The following CLIP2 variants were observed in gnomAD, a reference collection of about 807,000 sequenced individuals.
CLIP2 encodes the protein CAP-Gly domain containing linker protein 2, also known as CAP-Gly domain-containing linker protein 2.
A neutral mutation model predicts 111.7 loss-of-function variants in CLIP2; 41 were observed. The observed-to-expected ratio is 0.37, with a 90% CI of 0.29 to 0.48. The LOEUF (loss-of-function observed/expected upper bound fraction) is 0.48, where lower values mean the gene tolerates loss of function less well. CLIP2 is among the 20% of genes least tolerant of loss of function. The pLI is 0.99. For missense variants in CLIP2, 1,160 were observed against 1,422.1 expected (o/e 0.82, Z 2.96); for synonymous variants, 660 against 644.2 (o/e 1.02, Z -0.37).
At chr7:74,402,484 T>C (rs1283722629) in intron 16 of CLIP2, among the ~76,000 whole-genome samples, 3 of 151,978 alleles carry the variant, frequency 2.0e-5, no homozygotes, top group African/African-American at 7.2e-5. Context: ...ACCATTGCAC[T>C]CCAGCCTGGG....
At chr7:74,355,481 A>AC (rs1790118490) in intron 4 of CLIP2, among the ~76,000 whole-genome samples, 2 of 152,260 alleles carry the variant, frequency 1.3e-5, no homozygotes, top group Non-Finnish European at 2.9e-5. Context: ...GTAGTAGCAC[A>AC]CACCTGTGGT....
At chr7:74,307,364 C>CT (rs1346265862) in intron 1 of CLIP2, among the ~76,000 whole-genome samples, 2 of 152,204 alleles carry the variant, frequency 1.3e-5, no homozygotes, top group Non-Finnish European at 2.9e-5. Flanking sequence ...CAGTGTGTGA[C>CT]TTTGAGTCCC....
chr7:74,314,558 G>A (rs183729821), intron 1 of CLIP2, among the ~76,000 whole-genome samples: 46 of 152,310 alleles, frequency 3.0e-4, no homozygotes, highest in African/African-American at 1.1e-3. Flanking sequence ...CACAGATATG[G>A]CTGGACAGAC....
At chr7:74,402,756 C>T (rs1791656867) in intron 16 of CLIP2, among the ~76,000 whole-genome samples, 4 of 152,116 alleles carry the variant, frequency 2.6e-5, no homozygotes, top group Admixed American at 1.3e-4. Context: ...CACAGATGCT[C>T]GCTAGAAACA....
chr7:74,360,351 A>G (rs1554309501), intron 7 of CLIP2, 73 bp downstream of exon 7: 1 of 1,166,764 alleles, frequency 8.6e-7, no homozygotes, highest in Non-Finnish European at 1.2e-6. Context: ...AGGCTTGGGA[A>G]TAGCGGACCC....
intron 1 of CLIP2, among the ~76,000 whole-genome samples, chr7:74,293,319 T>G (rs1664659906): frequency 6.6e-6 from 1 of 152,188 alleles, no homozygotes; most frequent in East Asian, 1.9e-4. Context: ...CTTTCCTCTC[T>G]GTGGACTGCG....
intron 3 of CLIP2, among the ~76,000 whole-genome samples, chr7:74,350,919 G>GGGAAGGAAA (rs374826728): frequency 0.041 from 5,816 of 141,234 alleles, 359 homozygotes; most frequent in East Asian, 0.32. Flanking sequence ...GGAAAGGGAA[G>GGGAAGGAAA]GGAAGGAAGG....
chr7:74,364,140 C>T (rs1160723285), intron 7 of CLIP2, 115 bp from the exon 8 acceptor site: 12 of 884,514 alleles, frequency 1.4e-5, no homozygotes, highest in South Asian at 6.5e-5. Flanking sequence ...TTGATGGCCT[C>T]GCCTCTGGAT....
chr7:74,324,668 C>T (rs1184238116), intron 2 of CLIP2, among the ~76,000 whole-genome samples: 4 of 152,076 alleles, frequency 2.6e-5, no homozygotes, highest in African/African-American at 9.7e-5. Context: ...CACTGCACCC[C>T]GGCTGCTGCC....
chr7:74,386,933 G>A (rs950091722), intron 12 of CLIP2, among the ~76,000 whole-genome samples: 1 of 149,738 alleles, frequency 6.7e-6, no homozygotes, highest in African/African-American at 2.5e-5. Context: ...TGAGGCAGGA[G>A]AATCGCTTGA....
intron 8 of CLIP2, among the ~76,000 whole-genome samples, chr7:74,364,623 C>T (rs1367667415): frequency 6.6e-6 from 1 of 152,158 alleles, no homozygotes; most frequent in Admixed American, 6.5e-5. Context: ...TCTTCTTAGG[C>T]AATAGCCCTA....
At chr7:74,397,325 C>T (rs1404786651) in intron 14 of CLIP2, 92 bp downstream of exon 14, 1 of 1,297,542 alleles carries the variant, frequency 7.7e-7, no homozygotes, top group Admixed American at 2.1e-5. Flanking sequence ...CTGGAGACCT[C>T]CTGGAATGAC....
rs149748599 is a variant in CLIP2 at position 74,376,475 on chromosome 7, G to A, written c.2074G>A (p.Ala692Thr). ...KEALREKLQE[A>T]QEELAGLQRH... The stretch of plus-strand genomic sequence containing the variant: ...GGCCCTGCGAGAGAAGCTGCAGGAG[G>A]CCCAGGAGGAGCTGGCTGGGCTGCA... Residue 692 changes from alanine to threonine, a missense_variant, in exon 10 of 17, where the codon GCC becomes ACC. Around this residue, in one of 5 missense-constraint regions of CLIP2, gnomAD observed 676 missense variants for 777.8 expected, o/e 0.87. Transcript: ENST00000223398. This position sits in a 1 kb window ranked among gnomAD's most constrained non-coding sequence, Gnocchi z 7.1. 337 of 1,613,166 alleles carry A rather than the reference G, an allele frequency of 2.1e-4. 6 individuals are homozygous for A. The East Asian group carries it at 6.1e-3, about 29-fold the overall frequency.
At chr7:74,340,629 G>A (rs1160827964) in intron 3 of CLIP2, among the ~76,000 whole-genome samples, 1 of 152,174 alleles carries the variant, frequency 6.6e-6, no homozygotes, top group Non-Finnish European at 1.5e-5. Flanking sequence ...TCTGAATACA[G>A]CAGTGACCTG....
chr7:74,363,245 G>A (rs1180294321), intron 7 of CLIP2, among the ~76,000 whole-genome samples: 2 of 151,964 alleles, frequency 1.3e-5, no homozygotes, highest in African/African-American at 4.8e-5. Flanking sequence ...CAGGTGATCC[G>A]CCCACCTTGG....
chr7:74,346,550 CCGTCT>C, intron 3 of CLIP2, among the ~76,000 whole-genome samples: 1 of 152,082 alleles, frequency 6.6e-6, no homozygotes, highest in African/African-American at 2.4e-5. Context: ...TGACAAAACC[CCGTCT>C]CTACTAAAAA....
intron 16 of CLIP2, among the ~76,000 whole-genome samples, chr7:74,403,186 T>G (rs1791668857): frequency 7.1e-6 from 1 of 139,932 alleles, no homozygotes; most frequent in South Asian, 2.3e-4. Flanking sequence ...GCCACTGCAC[T>G]CTAGCCTGAG....
Position 74,338,922 on chromosome 7 carries a change from G to A in CLIP2, c.596G>A (p.Gly199Asp), listed in dbSNP as rs532111952. The change falls in exon 3 of 17, where the codon GGC becomes GAC. Residue 199 changes from glycine to aspartate, a missense_variant. Around this residue, in one of 5 missense-constraint regions of CLIP2, gnomAD observed 301 missense variants for 315.2 expected, o/e 0.96. Transcript: ENST00000223398. The surrounding 1 kb of genome is among the most constrained non-coding windows in gnomAD (Gnocchi z 4.3). Reference sequence around the variant, plus strand: ...GTCCTCAACAGCTCCGTGAAGACTGGCAACGAGTCGGGATCCAACCTCTCA... The same window carrying A: ...GTCCTCAACAGCTCCGTGAAGACTGACAACGAGTCGGGATCCAACCTCTCA... ...ESVLNSSVKT[G>D]NESGSNLSDS... The A allele has an allele frequency of 1.2e-6, 2 of 1,601,290 alleles. No homozygotes were observed. The highest frequency in any genetic ancestry group is 1.3e-5 in the African/African-American group (1 of 75,030).
chr7:74,370,275 T>C (rs11772166), intron 8 of CLIP2, among the ~76,000 whole-genome samples: 1 of 150,158 alleles, frequency 6.7e-6, no homozygotes, highest in Non-Finnish European at 1.5e-5. Flanking sequence ...GCTACCATGG[T>C]GAAACCCTGT....
Sources: allele counts gnomAD v4.1 joint callset (sites outside exome capture counted in the v4.1 genomes callset), GRCh38; gene constraint gnomAD v4.1.1; regional missense constraint gnomAD v4.1.1; non-coding constraint Gnocchi (gnomAD v3.1); transcripts MANE v1.5; gene names NCBI Gene and HGNC (gene_info 2026-07-23, HGNC 2026-07-21).